The following GALNT13 variants were observed in gnomAD, a reference collection of about 807,000 sequenced individuals.
GALNT13 encodes polypeptide N-acetylgalactosaminyltransferase 13, also known as UDP-GalNAc:polypeptide N-acetylgalactosaminyltransferase 13.
Under a neutral mutation model 64.2 loss-of-function variants are expected in GALNT13, and 28 were observed. The observed-to-expected ratio is 0.44, with a 90% CI of 0.32 to 0.60. The LOEUF (loss-of-function observed/expected upper bound fraction) is 0.60, where lower values mean the gene tolerates loss of function less well. Ranked by LOEUF, GALNT13 falls within the 20% of genes least tolerant of loss-of-function variation. The pLI, the probability that GALNT13 is intolerant of heterozygous loss-of-function variation, is 0.05. For missense variants in GALNT13, 577 were observed against 669.8 expected, an observed-to-expected ratio of 0.86 and a Z score of 1.53; for synonymous variants, 214 against 224.6, an observed-to-expected ratio of 0.95 and a Z score of 0.42.
At chr2:154,305,924 A>T (rs1257121017) in intron 9 of GALNT13, among the ~76,000 whole-genome samples, 2 of 152,156 alleles carry the variant, frequency 1.3e-5, no homozygotes, top group Non-Finnish European at 2.9e-5. Context: ...GTTTAAAAAA[A>T]TTTTGTTGAA....
the GALNT13 span, among the ~76,000 whole-genome samples, chr2:153,726,937 C>A: frequency 3.3e-5 from 4 of 122,352 alleles, no homozygotes; most frequent in Non-Finnish European, 4.9e-5. Flanking sequence ...GAGACTCCAT[C>A]TCAAAAAAAA....
the GALNT13 span, among the ~76,000 whole-genome samples, chr2:153,466,319 C>T: frequency 6.6e-6 from 1 of 151,982 alleles, no homozygotes; most frequent in Admixed American, 6.6e-5. Context: ...TGTGTCAGTT[C>T]CTCAGATATT....
chr2:153,679,148 CAT>C, the GALNT13 span, among the ~76,000 whole-genome samples: 3 of 151,954 alleles, frequency 2.0e-5, no homozygotes, highest in Non-Finnish European at 4.4e-5. Flanking sequence ...CTTCCCACTA[CAT>C]ATGTCTTTAT....
the GALNT13 span, among the ~76,000 whole-genome samples, chr2:153,196,032 G>A: frequency 6.6e-6 from 1 of 152,152 alleles, no homozygotes; most frequent in African/African-American, 2.4e-5. Flanking sequence ...CTCTGGCTGA[G>A]CCCAAGGCTT....
At chr2:153,444,027 A>G in the GALNT13 span, among the ~76,000 whole-genome samples, 2 of 152,130 alleles carry the variant, frequency 1.3e-5, no homozygotes, top group African/African-American at 4.8e-5. Flanking sequence ...ATTTATCTTG[A>G]CAGTGCTTAA....
intron 4 of GALNT13, among the ~76,000 whole-genome samples, chr2:154,189,384 G>A (rs1429643849): frequency 6.6e-6 from 1 of 151,334 alleles, no homozygotes; most frequent in Non-Finnish European, 1.5e-5. Context: ...TAGGTTATTA[G>A]GGCAGGACCT....
chr2:153,418,923 G>T, the GALNT13 span, among the ~76,000 whole-genome samples: 1 of 152,144 alleles, frequency 6.6e-6, no homozygotes, highest in Non-Finnish European at 1.5e-5. Context: ...AGAAAGAATT[G>T]CTGTGGAGTA....
chr2:153,273,507 A>T, the GALNT13 span, among the ~76,000 whole-genome samples: 1 of 152,188 alleles, frequency 6.6e-6, no homozygotes, highest in Admixed American at 6.5e-5. Flanking sequence ...GCCATTAATA[A>T]TGGCTGGATT....
chr2:153,343,866 C>T, the GALNT13 span, among the ~76,000 whole-genome samples: 39 of 152,172 alleles, frequency 2.6e-4, no homozygotes, highest in African/African-American at 9.2e-4. Context: ...ACACTAAACA[C>T]CCTGCATCTA....
At chr2:153,475,006 A>AC in the GALNT13 span, among the ~76,000 whole-genome samples, 2 of 152,140 alleles carry the variant, frequency 1.3e-5, no homozygotes, top group Non-Finnish European at 2.9e-5. Context: ...AAGGACCGAC[A>AC]CTCCATAAAT....
intron 5 of GALNT13, 54 bp downstream of exon 5, chr2:154,242,250 T>G (rs1488438507): frequency 6.6e-7 from 1 of 1,504,500 alleles, no homozygotes; most frequent in African/African-American, 1.4e-5. Context: ...TTTTGTTTTG[T>G]TTTTTTGTAT....
At position 154,171,764 on chromosome 2, in the gene GALNT13, T is replaced by A. The variant is rs182946183; in HGVS notation, c.311+31259T>A. On this transcript the variant is annotated intron_variant, in intron 4 of 12. Transcript: ENST00000392825. Reference sequence around the variant, plus strand: ...GTTTTATCAGCTATTTCAAGACTATTTCCACTTGAGAGTTTTGTACTTCTA... The same window carrying A: ...GTTTTATCAGCTATTTCAAGACTATATCCACTTGAGAGTTTTGTACTTCTA... Among the ~76,000 whole-genome samples, 7 of 152,208 alleles carry A rather than the reference T, an allele frequency of 4.6e-5. No individual in the cohort carries two copies. In the East Asian group the frequency reaches 1.2e-3, roughly 25 times the overall value.
chr2:153,685,162 G>T, the GALNT13 span, among the ~76,000 whole-genome samples: 4 of 151,738 alleles, frequency 2.6e-5, no homozygotes, highest in African/African-American at 9.7e-5. Context: ...TATTCCTTTG[G>T]GTATATACCC....
chr2:153,599,868 T>A, the GALNT13 span, among the ~76,000 whole-genome samples: 1 of 151,964 alleles, frequency 6.6e-6, no homozygotes, highest in African/African-American at 2.4e-5. Context: ...GTAGGATATT[T>A]TCCCCCTCTT....
At chr2:153,648,260 C>T in the GALNT13 span, among the ~76,000 whole-genome samples, 3,754 of 152,120 alleles carry the variant, frequency 0.025, 145 homozygotes, top group African/African-American at 0.085. Flanking sequence ...TGATTTGGTT[C>T]TCTGTTTGTC....
At chr2:153,696,567 A>C in the GALNT13 span, among the ~76,000 whole-genome samples, 2 of 152,308 alleles carry the variant, frequency 1.3e-5, no homozygotes, top group Admixed American at 1.3e-4. Flanking sequence ...TAGTTTATAA[A>C]TTAGGCACAA....
chr2:153,299,997 C>T, the GALNT13 span, among the ~76,000 whole-genome samples: 9 of 152,206 alleles, frequency 5.9e-5, no homozygotes, highest in African/African-American at 2.2e-4. Context: ...CAAATTGAGG[C>T]AATATTCTGA....
chr2:153,269,485 T>C, the GALNT13 span, among the ~76,000 whole-genome samples: 1 of 152,182 alleles, frequency 6.6e-6, no homozygotes, highest in South Asian at 2.1e-4. Flanking sequence ...AACACTTTGG[T>C]CAAAACCATT....
intron 7 of GALNT13, among the ~76,000 whole-genome samples, chr2:154,252,039 GTAAT>G (rs1690096484): frequency 6.6e-6 from 1 of 152,002 alleles, no homozygotes; most frequent in African/African-American, 2.4e-5. Flanking sequence ...TATGGAAAAT[GTAAT>G]TAACACAGAT....
Sources: allele counts gnomAD v4.1 joint callset (sites outside exome capture counted in the v4.1 genomes callset), GRCh38; gene constraint gnomAD v4.1.1; transcripts MANE v1.5; gene names NCBI Gene and HGNC (gene_info 2026-07-23, HGNC 2026-07-21).